SORCS3: variants seen among roughly 807,000 people sequenced by gnomAD.
The protein encoded by SORCS3 is VPS10 domain-containing receptor SorCS3.
Under a neutral mutation model 146.3 loss-of-function variants are expected in SORCS3, and 57 were observed. That is an observed-to-expected ratio of 0.39 (90% CI 0.31 to 0.49). The LOEUF (loss-of-function observed/expected upper bound fraction) is 0.49. Among genes scored for constraint, SORCS3 ranks in the 20% least tolerant of loss-of-function variants. The pLI, the probability that SORCS3 is intolerant of heterozygous loss-of-function variation, is 0.92. For synonymous variants in SORCS3, 653 were observed against 618.5 expected (o/e 1.06, Z -0.83); for missense variants, 1,341 against 1,575.5 (o/e 0.85, Z 2.52).
chr10:104,711,428 A>C (rs912852032), intron 1 of SORCS3, among the ~76,000 whole-genome samples: 6 of 152,282 alleles, frequency 3.9e-5, no homozygotes, highest in African/African-American at 1.4e-4. Context: ...ACATGAGAAA[A>C]CTGAGGCTGG....
chr10:105,031,329 ACAAACAC>A (rs1487792564), intron 4 of SORCS3, among the ~76,000 whole-genome samples: 10 of 75,430 alleles, frequency 1.3e-4, no homozygotes, highest in African/African-American at 6.8e-4. Flanking sequence ...ACACACACAC[ACAAACAC>A]ACACACACAC....
intron 2 of SORCS3, among the ~76,000 whole-genome samples, chr10:104,881,490 G>A (rs905978096): frequency 1.8e-4 from 28 of 152,154 alleles, no homozygotes; most frequent in African/African-American, 5.6e-4. Context: ...ATATTCAATT[G>A]CAAAGACCAA....
At chr10:104,707,624 G>C (rs1042042106) in intron 1 of SORCS3, among the ~76,000 whole-genome samples, 27 of 152,134 alleles carry the variant, frequency 1.8e-4, no homozygotes, top group African/African-American at 5.6e-4. Context: ...TCACATTCAA[G>C]GAAAATATAT....
At chr10:105,120,488 A>G (rs2055924316) in intron 7 of SORCS3, among the ~76,000 whole-genome samples, 1 of 152,140 alleles carries the variant, frequency 6.6e-6, no homozygotes, top group African/African-American at 2.4e-5. Context: ...CATAATGCAG[A>G]GACTGGGAGG....
chr10:104,850,398 C>T (rs1350227066), intron 2 of SORCS3, among the ~76,000 whole-genome samples: 1 of 152,184 alleles, frequency 6.6e-6, no homozygotes, highest in East Asian at 1.9e-4. Context: ...GCCAGGGAAA[C>T]ATGGTAAAAT....
At chr10:104,728,652 C>G (rs1043603554) in intron 1 of SORCS3, among the ~76,000 whole-genome samples, 5 of 152,278 alleles carry the variant, frequency 3.3e-5, no homozygotes, top group Non-Finnish European at 7.4e-5. Context: ...TACACTTGAC[C>G]TATCAGAAAT....
intron 3 of SORCS3, among the ~76,000 whole-genome samples, chr10:104,944,851 TATC>T (rs1364570332): frequency 6.6e-6 from 1 of 152,176 alleles, no homozygotes; most frequent in African/African-American, 2.4e-5. Flanking sequence ...TTAGGTATAA[TATC>T]ATACAGAACT....
chr10:105,159,203 C>T (rs1395513798), intron 11 of SORCS3, among the ~76,000 whole-genome samples: 3 of 152,162 alleles, frequency 2.0e-5, no homozygotes, highest in Non-Finnish European at 2.9e-5. Flanking sequence ...ATGCATCTTC[C>T]CCCCAGACAC....
intron 1 of SORCS3, among the ~76,000 whole-genome samples, chr10:104,831,431 G>A (rs1396204833): frequency 6.6e-6 from 1 of 152,188 alleles, no homozygotes; most frequent in African/African-American, 2.4e-5. Context: ...GTGATGGAAG[G>A]GAAGTTCCCA....
At position 105,037,563 on chromosome 10, in the gene SORCS3, C is replaced by A. The variant is rs1252309896; in HGVS notation, c.955-5492C>A. ...TGGCTTGTAGATGTGTCACTCTAATCCTCCATCTTCTCATGGAGTTCTCCT... is the reference window on the plus strand; with the variant it reads ...TGGCTTGTAGATGTGTCACTCTAATACTCCATCTTCTCATGGAGTTCTCCT... On this transcript the variant is annotated intron_variant, in intron 4 of 26. Coordinates refer to ENST00000369701, the MANE Select transcript of SORCS3 (RefSeq NM_014978.3). Among the ~76,000 whole-genome samples the A allele has an allele frequency of 4.6e-5, 7 of 152,248 alleles. No individual in the cohort carries two copies. In the East Asian group the frequency reaches 1.2e-3, roughly 25 times the overall value.
At chr10:105,229,741 A>G (rs2119686877) in intron 20 of SORCS3, among the ~76,000 whole-genome samples, 1 of 152,272 alleles carries the variant, frequency 6.6e-6, no homozygotes, top group South Asian at 2.1e-4. Flanking sequence ...GTCCTAGGGT[A>G]GCAGCAGTGG....
chr10:105,170,484 T>C (rs1463242000), intron 13 of SORCS3, among the ~76,000 whole-genome samples: 1 of 152,152 alleles, frequency 6.6e-6, no homozygotes, highest in African/African-American at 2.4e-5. Flanking sequence ...TCACCCTCCA[T>C]TTGTTTGGCT....
At chr10:104,845,290 A>T (rs911053970) in intron 2 of SORCS3, among the ~76,000 whole-genome samples, 1 of 152,022 alleles carries the variant, frequency 6.6e-6, no homozygotes, top group African/African-American at 2.4e-5. Context: ...ACACCCACTC[A>T]CATCTAAGCT....
chr10:104,740,754 G>C (rs553667381), intron 1 of SORCS3, among the ~76,000 whole-genome samples: 93 of 152,262 alleles, frequency 6.1e-4, no homozygotes, highest in Non-Finnish European at 1.0e-3. Context: ...AAGGAAAGTG[G>C]TTTGTATGTA....
intron 19 of SORCS3, among the ~76,000 whole-genome samples, chr10:105,218,487 G>A (rs1692650398): frequency 6.6e-6 from 1 of 152,204 alleles, no homozygotes. Context: ...GTGGGGAAGT[G>A]GGGTGCTGCT....
chr10:104,843,950 C>A (rs1564696535), intron 2 of SORCS3, among the ~76,000 whole-genome samples: 1 of 152,206 alleles, frequency 6.6e-6, no homozygotes, highest in South Asian at 2.1e-4. Flanking sequence ...AAGTCCTGAC[C>A]TGAGGGTTTC....
chr10:104,906,225 C>T lies in SORCS3; in HGVS notation c.696-9608C>T, dbSNP rs1042825416. On this transcript the variant is annotated intron_variant, in intron 2 of 26. Coordinates refer to ENST00000369701, the MANE Select transcript of SORCS3 (RefSeq NM_014978.3). ...CTAGTGTAGGCCTCATTATTTTTTT[C>T]CCCAGGAAAACTTAGTGGAAAAGTT... is the stretch of plus-strand genomic sequence containing the variant. Among the ~76,000 whole-genome samples the T allele has an allele frequency of 6.4e-4, 97 of 152,208 alleles. 1 individual carries two copies. Among genetic ancestry groups the T allele is most frequent in the African/African-American group, 2.0e-3 (84 of 41,540 alleles).
chr10:104,731,342 G>A (rs1214344920), intron 1 of SORCS3, among the ~76,000 whole-genome samples: 4 of 152,184 alleles, frequency 2.6e-5, no homozygotes, highest in African/African-American at 9.7e-5. Context: ...CCAGCCCGAG[G>A]CAGAGATGCA....
rs751910484 is a variant in SORCS3 at position 105,200,070 on chromosome 10, G to A, written c.2081G>A (p.Arg694Gln). The stretch of plus-strand genomic sequence containing the variant: ...GTGGACTACAAATCTATCTTCAGCC[G>A]GCATTGCACCAAGGAGGACTATCAG... ...VKVDYKSIFS[R>Q]HCTKEDYQTW... Residue 694 changes from arginine (R) to glutamine (Q), a missense_variant, in exon 15 of 27, where the codon CGG becomes CAG. Coordinates refer to ENST00000369701, the MANE Select transcript of SORCS3 (RefSeq NM_014978.3). 2.4e-5 allele frequency: 38 copies of A among 1,613,518 alleles called. No homozygotes were observed. The highest frequency in any genetic ancestry group is 6.7e-5 in the Admixed American group (4 of 59,966).
Sources: allele counts gnomAD v4.1 joint callset (sites outside exome capture counted in the v4.1 genomes callset), GRCh38; gene constraint gnomAD v4.1.1; transcripts MANE v1.5; gene names NCBI Gene and HGNC (gene_info 2026-07-23, HGNC 2026-07-21).